The following GRM5 variants were observed in gnomAD, a reference collection of about 807,000 sequenced individuals.
GRM5 encodes glutamate metabotropic receptor 5.
A neutral mutation model predicts 83.1 loss-of-function variants in GRM5; 19 were observed. The observed-to-expected ratio is 0.23, with a 90% CI of 0.16 to 0.34. GRM5 has a LOEUF of 0.34. GRM5 is among the 10% of genes least tolerant of loss of function. The probability of loss-of-function intolerance (pLI) is 1.00; values close to 1 mark genes in which losing one functional copy is unlikely to be tolerated. For synonymous variants in GRM5, 675 were observed against 633.6 expected, an observed-to-expected ratio of 1.07 and a Z score of -0.98; for missense variants, 1,160 against 1,588.3, an observed-to-expected ratio of 0.73 and a Z score of 4.58.
chr11:88,738,221 A>AT (rs1236701386), intron 3 of GRM5, among the ~76,000 whole-genome samples: 18 of 152,054 alleles, frequency 1.2e-4, no homozygotes, highest in African/African-American at 4.3e-4. Flanking sequence ...GTGAAAAAAG[A>AT]TTATATAAAC....
rs770983086 is a variant in GRM5 at position 88,508,750 on chromosome 11, C to G, written c.3481G>C (p.Val1161Leu). Residue 1161 changes from valine to leucine, a missense_variant, in exon 10 of 10, where the codon GTG (valine) becomes CTG (leucine). Val to Leu is a conservative substitution (Grantham distance 32). Around this residue, in one of 9 missense-constraint regions of GRM5, gnomAD observed 562 missense variants for 532.4 expected, o/e 1.06. Coordinates refer to ENST00000305447, the MANE Select transcript of GRM5 (RefSeq NM_001143831.3). This position sits in a 1 kb window ranked among gnomAD's most constrained non-coding sequence, Gnocchi z 4.2. ...AAGGGGGACGGCGGGGTGAGAGCCA[C>G]CAGCTCCTCCAGGTCTGGCTTGGCG... The part of the protein sequence containing the change: ...AAAKPDLEEL[V>L]ALTPPSPFRD... 1 of 1,554,834 alleles carries G rather than the reference C, an allele frequency of 6.4e-7. No individual in the cohort carries two copies. Among genetic ancestry groups the G allele is most frequent in the Non-Finnish European group, 8.7e-7 (1 of 1,153,762 alleles).
In GRM5 at chr11:88,604,771, A is replaced by C; in HGVS notation, c.1341T>G (p.Thr447=). 2 of 1,612,562 alleles carry C rather than the reference A, an allele frequency of 1.2e-6. No homozygotes were observed. Among genetic ancestry groups the C allele is most frequent in the Non-Finnish European group, 8.5e-7 (1 of 1,178,590 alleles). Residue 447 remains threonine, a synonymous_variant, in exon 5 of 10, where the codon ACT becomes ACG. Transcript: ENST00000305447. ...ATAGGATCGTATCTCCAGAAACCCCAGTAAAATTGGTTTTCATCAGGGACT... is the reference window on the plus strand; with the variant it reads ...ATAGGATCGTATCTCCAGAAACCCCCGTAAAATTGGTTTTCATCAGGGACT... ...LLESLMKTNF[T]GVSGDTILFD...
At position 89,046,373 on chromosome 11, in the gene GRM5, A is replaced by AT. The variant is rs562563345; in HGVS notation, c.661+838dup. Reference sequence around the variant, plus strand: ...GTATTCTATAGTGTTTAATATACACATTTTTTTTTTTCTAGAAGAAGAGCT... The same window carrying AT: ...GTATTCTATAGTGTTTAATATACACATTTTTTTTTTTTCTAGAAGAAGAGCT... On this transcript the variant is annotated intron_variant, in intron 2 of 9. Coordinates refer to ENST00000305447, the MANE Select transcript of GRM5 (RefSeq NM_001143831.3). 5.9e-3 allele frequency among the ~76,000 whole-genome samples: 867 copies of AT among 148,024 alleles called. 5 individuals carry two copies. The highest frequency in any genetic ancestry group is 0.015 in the South Asian group (71 of 4,696).
At chr11:88,690,703 G>A (rs1231576357) in intron 3 of GRM5, among the ~76,000 whole-genome samples, 1 of 152,146 alleles carries the variant, frequency 6.6e-6, no homozygotes, top group Non-Finnish European at 1.5e-5. Flanking sequence ...TTCAGTCACA[G>A]ACAGATAAAA....
At chr11:88,712,654 C>T (rs11021034) in intron 3 of GRM5, among the ~76,000 whole-genome samples, 32,869 of 151,808 alleles carry the variant, frequency 0.22, 3,735 homozygotes, top group Middle Eastern at 0.28. Flanking sequence ...TAGTTTGATG[C>T]CCATAAAACC....
At chr11:89,043,572 TA>T (rs1381907994) in intron 2 of GRM5, among the ~76,000 whole-genome samples, 4,198 of 141,664 alleles carry the variant, frequency 0.03, 186 homozygotes, top group African/African-American at 0.11. Context: ...TAATGCATGT[TA>T]TTTTTTTTTT....
chr11:88,973,930 G>A (rs1939245252), intron 2 of GRM5, among the ~76,000 whole-genome samples: 1 of 152,050 alleles, frequency 6.6e-6, no homozygotes, highest in African/African-American at 2.4e-5. Flanking sequence ...ATTAAGTAAA[G>A]GTTAAAAGCT....
intron 2 of GRM5, among the ~76,000 whole-genome samples, chr11:89,029,620 A>T (rs997085404): frequency 2.0e-5 from 3 of 152,180 alleles, no homozygotes; most frequent in African/African-American, 7.2e-5. Flanking sequence ...GCTTTCTTCA[A>T]GTTTTCTTAA....
chr11:89,016,117 T>C (rs2135099609), intron 2 of GRM5, among the ~76,000 whole-genome samples: 1 of 151,878 alleles, frequency 6.6e-6, no homozygotes, highest in African/African-American at 2.4e-5. Context: ...AGCTTTCTAG[T>C]GTTAAGGTAA....
intron 3 of GRM5, among the ~76,000 whole-genome samples, chr11:88,680,310 C>T (rs1256265278): frequency 3.3e-5 from 5 of 152,056 alleles, no homozygotes; most frequent in African/African-American, 9.7e-5. Context: ...GTTCAATTCC[C>T]ACCTATGAGT....
At chr11:88,989,876 A>G (rs1293232480) in intron 2 of GRM5, among the ~76,000 whole-genome samples, 1 of 152,056 alleles carries the variant, frequency 6.6e-6, no homozygotes, top group African/African-American at 2.4e-5. Flanking sequence ...TTTGAGGGAA[A>G]TTTATAGCAC....
At chr11:88,950,351 A>AGTGTGT (rs55646353) in intron 2 of GRM5, among the ~76,000 whole-genome samples, 22,234 of 147,318 alleles carry the variant, frequency 0.15, 2,178 homozygotes, top group East Asian at 0.47. Context: ...TTGTGAGATA[A>AGTGTGT]GTGTGTGTGT....
intron 3 of GRM5, among the ~76,000 whole-genome samples, chr11:88,731,408 A>G (rs1288150458): frequency 3.9e-5 from 6 of 151,960 alleles, no homozygotes; most frequent in African/African-American, 1.4e-4. Context: ...CTTAGACCTC[A>G]CGTCTTTCAA....
intron 2 of GRM5, among the ~76,000 whole-genome samples, chr11:88,949,120 C>G (rs1038789535): frequency 6.6e-6 from 1 of 152,180 alleles, no homozygotes; most frequent in African/African-American, 2.4e-5. Flanking sequence ...GATGAACAAG[C>G]AGTTTCTGAC....
chr11:88,967,244 TACAC>T (rs1196753811), intron 2 of GRM5, among the ~76,000 whole-genome samples: 1 of 118,972 alleles, frequency 8.4e-6, no homozygotes, highest in African/African-American at 3.4e-5. Context: ...TATATATATA[TACAC>T]ATATATATAT....
intron 2 of GRM5, among the ~76,000 whole-genome samples, chr11:89,006,225 T>G (rs1231740602): frequency 1.3e-5 from 2 of 152,310 alleles, no homozygotes; most frequent in East Asian, 3.9e-4. Flanking sequence ...CTAAGCAAAT[T>G]GATACAACTT....
At chr11:88,836,184 G>A (rs183832383) in intron 3 of GRM5, among the ~76,000 whole-genome samples, 1 of 152,068 alleles carries the variant, frequency 6.6e-6, no homozygotes, top group African/African-American at 2.4e-5. Flanking sequence ...TCCTGTAAAG[G>A]GTCAGATAGT....
chr11:88,791,931 C>T (rs900947562), intron 3 of GRM5, among the ~76,000 whole-genome samples: 1 of 151,976 alleles, frequency 6.6e-6, no homozygotes, highest in African/African-American at 2.4e-5. Flanking sequence ...CCCATTTTAG[C>T]TTAGCTGAAA....
chr11:89,009,900 C>CAAAAAA (rs758398638), intron 2 of GRM5, among the ~76,000 whole-genome samples: 19 of 21,660 alleles, frequency 8.8e-4, no homozygotes, highest in African/African-American at 1.6e-3. Context: ...GACTCCGTCT[C>CAAAAAA]AAAAAAAAAA....
Sources: allele counts gnomAD v4.1 joint callset (sites outside exome capture counted in the v4.1 genomes callset), GRCh38; gene constraint gnomAD v4.1.1; regional missense constraint gnomAD v4.1.1; non-coding constraint Gnocchi (gnomAD v3.1); transcripts MANE v1.5; gene names NCBI Gene and HGNC (gene_info 2026-07-23, HGNC 2026-07-21).